NR2C1: variants seen among roughly 807,000 people sequenced by gnomAD.
The protein encoded by NR2C1 is nuclear receptor subfamily 2 group C member 1, also known as TR2 nuclear hormone receptor.
Under a neutral mutation model 74.8 loss-of-function variants are expected in NR2C1, and 33 were observed. The observed-to-expected ratio is 0.44, with a 90% CI of 0.33 to 0.59. The LOEUF is 0.59. NR2C1 is among the 20% of genes least tolerant of loss of function. The pLI is 0.02. For synonymous variants in NR2C1, 225 were observed against 240.6 expected, an observed-to-expected ratio of 0.94 and a Z score of 0.60; for missense variants, 568 against 715.6, an observed-to-expected ratio of 0.79 and a Z score of 2.35.
rs1403520744 is a variant in NR2C1, at chr12:95,020,448, C to T, written c.*1781G>A. The T allele has an allele frequency of 3.3e-5, 5 of 152,104 alleles. No individual in the cohort carries two copies. The highest frequency in any genetic ancestry group is 1.2e-4 in the African/African-American group (5 of 41,430). The allele number at this position is 152,104 out of a possible 1,614,324, so 9.4% of individuals were successfully genotyped here. A position where few individuals can be genotyped will look rare whatever the true frequency, so the allele number is the denominator to read the frequency against. On this transcript the variant is annotated 3_prime_UTR_variant, in exon 14 of 14. Transcript: ENST00000333003. Reference sequence around the variant, plus strand: ...ACTGTATTTATAAAGGTATAAACTACTGATTTTTCCATTTGAGTATTATAC... The same window carrying T: ...ACTGTATTTATAAAGGTATAAACTATTGATTTTTCCATTTGAGTATTATAC...
chr12:95,056,262 C>G (rs1057470783), intron 7 of NR2C1, among the ~76,000 whole-genome samples: 1 of 151,972 alleles, frequency 6.6e-6, no homozygotes, highest in African/African-American at 2.4e-5. Flanking sequence ...AAGAGGGGAC[C>G]CTGTTTAAAA....
At chr12:95,042,641 A>C (rs969376544) in intron 9 of NR2C1, among the ~76,000 whole-genome samples, 1 of 152,222 alleles carries the variant, frequency 6.6e-6, no homozygotes, top group African/African-American at 2.4e-5. Flanking sequence ...GCCTTTGTTC[A>C]TTATTAGCCA....
At chr12:95,058,075 T>C in intron 5 of NR2C1, 197 bp from the exon 6 acceptor site, 1 of 656,444 alleles carries the variant, frequency 1.5e-6, no homozygotes. Context: ...CCAATTTGCA[T>C]CTCTCATTCT....
At chr12:95,049,921 T>A (rs2136151873) in intron 8 of NR2C1, among the ~76,000 whole-genome samples, 1 of 152,202 alleles carries the variant, frequency 6.6e-6, no homozygotes, top group African/African-American at 2.4e-5. Context: ...CACCTCAACC[T>A]CCCGAGCAGC....
chr12:95,069,095 T>C (rs192819401), intron 1 of NR2C1, among the ~76,000 whole-genome samples: 11 of 152,332 alleles, frequency 7.2e-5, no homozygotes, highest in Middle Eastern at 3.4e-3. Flanking sequence ...TTATTTTTCA[T>C]TGAATAAGTG....
chr12:95,032,826 G>A (rs1354648308), intron 10 of NR2C1, among the ~76,000 whole-genome samples: 2 of 152,050 alleles, frequency 1.3e-5, no homozygotes, highest in Non-Finnish European at 2.9e-5. Flanking sequence ...AAATTAGCTG[G>A]GTGTGGAGGT....
chr12:95,071,959 G>A (rs1297934084), intron 1 of NR2C1, among the ~76,000 whole-genome samples: 1 of 151,170 alleles, frequency 6.6e-6, no homozygotes, highest in East Asian at 2.0e-4. Context: ...TGTTGGTCAG[G>A]CTGGTCTCGA....
rs1376660723 is a variant in NR2C1 at position 95,032,698 on chromosome 12, T to C, written c.1254-1210A>G. Among the ~76,000 whole-genome samples, 3 of 152,144 alleles carry C rather than the reference T, an allele frequency of 2.0e-5. No individual in the cohort carries two copies. In the East Asian group the frequency reaches 5.8e-4, roughly 29 times the overall value. ...AAGAATTAGCTGGGGCTGGGCGCAGTAGCTCACGTCTGTAATCCCAGCACT... is the reference window on the plus strand; with the variant it reads ...AAGAATTAGCTGGGGCTGGGCGCAGCAGCTCACGTCTGTAATCCCAGCACT... On this transcript the variant is annotated intron_variant, in intron 10 of 13. Transcript: ENST00000333003.
At chr12:95,035,568 A>C (rs1164231802) in intron 10 of NR2C1, among the ~76,000 whole-genome samples, 1 of 152,204 alleles carries the variant, frequency 6.6e-6, no homozygotes, top group Non-Finnish European at 1.5e-5. Context: ...GCAAAGGATA[A>C]GAATACCAAA....
chr12:95,062,592 T>G lies in NR2C1; in HGVS notation c.201A>C (p.Gly67=). The change falls in exon 3 of 14, where the codon GGA becomes GGC. Residue 67 remains glycine (G), a synonymous_variant. Transcript: ENST00000333003. ...VILARQDSTP[G]KVFLTTPDAA... is the part of the protein sequence containing the mutation. ...CATCTGGAGTTGTAAGGAAAACTTT[T>G]CCCGGAGTGGAATCTTGCCTGGCCA... The G allele has an allele frequency of 6.2e-7, 1 of 1,614,094 alleles. No homozygotes were observed. Among genetic ancestry groups the G allele is most frequent in the Non-Finnish European group, 8.5e-7 (1 of 1,180,038 alleles).
chr12:95,063,447 C>T (rs1445471088), intron 2 of NR2C1, among the ~76,000 whole-genome samples: 2 of 152,120 alleles, frequency 1.3e-5, no homozygotes, highest in Non-Finnish European at 2.9e-5. Context: ...AGCTGGGACT[C>T]AGAGGGCTTT....
rs543006978 is a variant in NR2C1, at chr12:95,022,620, C to T, written c.1638-217G>A. Among the ~76,000 whole-genome samples the T allele has an allele frequency of 8.5e-5, 13 of 152,262 alleles. No individual in the cohort carries two copies. The South Asian group carries it at 2.3e-3, about 27-fold the overall frequency. On this transcript the variant is annotated intron_variant, in intron 13 of 13. Coordinates refer to ENST00000333003, the MANE Select transcript of NR2C1 (RefSeq NM_003297.4). ...AGACTCCACAGGGGAAAGCCCTGCT[C>T]TTAATGCTACACTGTACTGCCTCCA... is the stretch of plus-strand genomic sequence containing the variant.
At chr12:95,048,622 GTTTT>G (rs899683567) in intron 9 of NR2C1, among the ~76,000 whole-genome samples, 1 of 130,518 alleles carries the variant, frequency 7.7e-6, no homozygotes, top group African/African-American at 2.8e-5. Context: ...ATGCAGATGA[GTTTT>G]TTTTTTTTTT....
rs1388362018 is a variant in NR2C1, at chr12:95,058,426, T to C, written c.428A>G (p.Lys143Arg). The C allele has an allele frequency of 1.2e-6, 2 of 1,613,608 alleles. No individual in the cohort carries two copies. The highest frequency in any genetic ancestry group is 3.3e-5 in the Admixed American group (2 of 59,986). The part of the protein sequence containing the change: ...CKGFFKRSIR[K>R]NLVYSCRGSK... ...TCCTCGACATGAATATACTAAATTT[T>C]TTCGGATGCTTCTTTTAAAAAATCC... is the stretch of plus-strand genomic sequence containing the variant. The change falls in exon 5 of 14, where the codon AAA becomes AGA. Residue 143 changes from lysine to arginine, a missense_variant. By Grantham distance (26) the Lys-to-Arg change is conservative. This residue lies in a region of NR2C1 where 44 missense variants were observed against 95.6 expected (regional missense o/e 0.46). Coordinates refer to ENST00000333003, the MANE Select transcript of NR2C1 (RefSeq NM_003297.4).
intron 10 of NR2C1, among the ~76,000 whole-genome samples, chr12:95,034,968 A>G (rs1223293986): frequency 6.6e-6 from 1 of 152,212 alleles, no homozygotes; most frequent in Non-Finnish European, 1.5e-5. Context: ...AAAGTGGGCG[A>G]AAATACATAC....
chr12:95,049,041 C>A (rs765084919), intron 9 of NR2C1, 27 bp downstream of exon 9: 2 of 1,600,276 alleles, frequency 1.2e-6, no homozygotes, highest in East Asian at 2.2e-5. Context: ...ACACAACATA[C>A]AAGTTAAAAA....
intron 9 of NR2C1, among the ~76,000 whole-genome samples, chr12:95,043,410 T>C (rs984382729): frequency 2.0e-5 from 3 of 152,070 alleles, no homozygotes; most frequent in African/African-American, 4.8e-5. Context: ...TTTGTAAGGC[T>C]AGGCGTGGTG....
At chr12:95,028,116 T>C (rs1869596173) in intron 12 of NR2C1, 1 of 253,854 alleles carries the variant, frequency 3.9e-6, no homozygotes, top group Non-Finnish European at 7.4e-6. Flanking sequence ...ACATTTGGGT[T>C]GTCTCCACTT....
chr12:95,024,577 A>G (rs911657281), intron 13 of NR2C1, among the ~76,000 whole-genome samples: 1 of 152,298 alleles, frequency 6.6e-6, no homozygotes, highest in East Asian at 1.9e-4. Context: ...TAATTATAAA[A>G]CAATCTAATG....
Sources: gnomAD v4.1 joint callset for allele counts (sites outside exome capture counted in the v4.1 genomes callset) on GRCh38, gnomAD v4.1.1 for gene constraint, gnomAD v4.1.1 regional missense constraint, MANE v1.5 for transcripts, NCBI Gene and HGNC (gene_info 2026-07-23, HGNC 2026-07-21) for gene names.